The following CADPS variants were observed in gnomAD, a reference collection of about 807,000 sequenced individuals.
The protein encoded by CADPS is calcium-dependent secretion activator 1.
Under a neutral mutation model 167.3 loss-of-function variants are expected in CADPS, and 57 were observed. The ratio of observed to expected loss-of-function variants is 0.34; its 90% CI spans 0.28 to 0.42. The LOEUF is 0.42. CADPS is among the 20% of genes least tolerant of loss of function. The pLI, the probability that CADPS is intolerant of heterozygous loss-of-function variation, is 1.00. For missense variants in CADPS, 1,414 were observed against 1,738.1 expected (o/e 0.81, Z 3.32); for synonymous variants, 676 against 635.3 (o/e 1.06, Z -0.96).
At chr3:62,754,609 C>T (rs1019608744) in intron 2 of CADPS, among the ~76,000 whole-genome samples, 2 of 152,152 alleles carry the variant, frequency 1.3e-5, no homozygotes, top group African/African-American at 4.8e-5. Context: ...CTGCCTCAGC[C>T]CCTCAAGTAA....
chr3:62,428,135 AT>A (rs957679983), intron 28 of CADPS, among the ~76,000 whole-genome samples: 5 of 152,110 alleles, frequency 3.3e-5, no homozygotes, highest in African/African-American at 1.2e-4. Flanking sequence ...TATTAACTGG[AT>A]TTTTAGTCAA....
At chr3:62,755,672 G>C (rs1452483836) in intron 2 of CADPS, among the ~76,000 whole-genome samples, 1 of 152,168 alleles carries the variant, frequency 6.6e-6, no homozygotes, top group Non-Finnish European at 1.5e-5. Context: ...GGATGGCTGA[G>C]GGTTTGCCTC....
chr3:62,607,489 G>A (rs1022228359), intron 6 of CADPS, among the ~76,000 whole-genome samples: 1 of 152,220 alleles, frequency 6.6e-6, no homozygotes, highest in Non-Finnish European at 1.5e-5. Flanking sequence ...TGGAAGCAAT[G>A]ACAACAAAGC....
intron 1 of CADPS, among the ~76,000 whole-genome samples, chr3:62,811,969 T>C (rs995488667): frequency 9.8e-5 from 15 of 152,334 alleles, no homozygotes; most frequent in Admixed American, 3.3e-4. Flanking sequence ...TTTATCTATG[T>C]ATATTTCCTC....
chr3:62,699,601 C>T (rs1212498175), intron 3 of CADPS, among the ~76,000 whole-genome samples: 1 of 151,998 alleles, frequency 6.6e-6, no homozygotes, highest in Non-Finnish European at 1.5e-5. Flanking sequence ...CAGAGATTTG[C>T]TTTGTTGCCC....
intron 3 of CADPS, among the ~76,000 whole-genome samples, chr3:62,683,143 A>C (rs1305057943): frequency 6.6e-6 from 1 of 152,038 alleles, no homozygotes; most frequent in African/African-American, 2.4e-5. Context: ...GGTCTTGTAG[A>C]TCATGGGAAA....
intron 3 of CADPS, among the ~76,000 whole-genome samples, chr3:62,710,191 C>G (rs1010437245): frequency 2.0e-5 from 3 of 151,714 alleles, no homozygotes; most frequent in Admixed American, 2.0e-4. Context: ...CTGAAATCTC[C>G]GTGAACTTGT....
intron 11 of CADPS, among the ~76,000 whole-genome samples, chr3:62,539,356 T>C (rs2075306117): frequency 6.6e-6 from 1 of 152,128 alleles, no homozygotes; most frequent in Non-Finnish European, 1.5e-5. Flanking sequence ...TTCCAGCAAG[T>C]AAAGCGAGCC....
chr3:62,425,307 C>G (rs1017567016), intron 28 of CADPS, among the ~76,000 whole-genome samples: 1 of 152,094 alleles, frequency 6.6e-6, no homozygotes, highest in African/African-American at 2.4e-5. Context: ...CACCGCCTAT[C>G]CATTAGATGC....
chr3:62,854,427 A>G (rs1278443018), intron 1 of CADPS, among the ~76,000 whole-genome samples: 3 of 152,134 alleles, frequency 2.0e-5, no homozygotes, highest in Admixed American at 6.5e-5. Context: ...TAAGCTTCAA[A>G]TCACTTCTCT....
In CADPS at chr3:62,633,938, A is replaced by G. The variant is rs369385801; in HGVS notation, c.1325+11784T>C. On this transcript the variant is annotated intron_variant, in intron 6 of 29. Coordinates refer to ENST00000383710, the MANE Select transcript of CADPS (RefSeq NM_003716.4). ...TTAGCTAAAATTTAAACTTTTTTTT[A>G]CTTCCCCCTGCTGCCTCTATACAAC... Among the ~76,000 whole-genome samples, 25 of 152,262 alleles carry G rather than the reference A, an allele frequency of 1.6e-4. 2 individuals are homozygous for G. In the East Asian group the frequency reaches 4.6e-3, roughly 28 times the overall value.
In CADPS at chr3:62,476,283, G is replaced by A. The variant is rs2061317670; in HGVS notation, c.3330-1963C>T. Reference sequence around the variant, plus strand: ...AATCTGTTCTACCAAGGAGAACAACGGTTCTAGGCTCTTCTAATGTAGATT... The same window carrying A: ...AATCTGTTCTACCAAGGAGAACAACAGTTCTAGGCTCTTCTAATGTAGATT... On this transcript the variant is annotated intron_variant, in intron 23 of 29. Transcript: ENST00000383710. Among the ~76,000 whole-genome samples the A allele has an allele frequency of 3.3e-5, 5 of 152,134 alleles. No homozygotes were observed. The South Asian group carries it at 8.3e-4, about 25-fold the overall frequency.
At chr3:62,548,096 G>A (rs984603635) in intron 11 of CADPS, among the ~76,000 whole-genome samples, 2 of 152,144 alleles carry the variant, frequency 1.3e-5, no homozygotes, top group Non-Finnish European at 2.9e-5. Flanking sequence ...GGTGATTATA[G>A]TTAGAATTTT....
At chr3:62,815,941 C>A (rs73102754) in intron 1 of CADPS, among the ~76,000 whole-genome samples, 15,104 of 151,992 alleles carry the variant, frequency 0.099, 836 homozygotes, top group Non-Finnish European at 0.12. Context: ...TCAAATTGTT[C>A]TTTTTATGAT....
At chr3:62,790,131 T>C (rs1055073214) in intron 1 of CADPS, among the ~76,000 whole-genome samples, 1 of 152,152 alleles carries the variant, frequency 6.6e-6, no homozygotes, top group Non-Finnish European at 1.5e-5. Context: ...CTTCAGACAC[T>C]AGAAATGATT....
intron 1 of CADPS, among the ~76,000 whole-genome samples, chr3:62,811,107 C>A (rs182443313): frequency 6.6e-6 from 1 of 152,188 alleles, no homozygotes; most frequent in Non-Finnish European, 1.5e-5. Flanking sequence ...GATGCCCCAA[C>A]AAAAGCTGAA....
intron 3 of CADPS, among the ~76,000 whole-genome samples, chr3:62,695,942 T>G (rs2080189875): frequency 6.6e-6 from 1 of 152,000 alleles, no homozygotes; most frequent in African/African-American, 2.4e-5. Context: ...TTTTAGGGGG[T>G]TGGGTCTTTA....
intron 3 of CADPS, among the ~76,000 whole-genome samples, chr3:62,710,019 G>A (rs1330725711): frequency 1.3e-5 from 2 of 151,892 alleles, no homozygotes; most frequent in Admixed American, 1.3e-4. Flanking sequence ...TGCCCACCTC[G>A]GCCTCCCAAA....
intron 28 of CADPS, chr3:62,404,939 G>A (rs75453191): frequency 0.089 from 13,576 of 151,872 alleles, 789 homozygotes; most frequent in Non-Finnish European, 0.13. Flanking sequence ...GGGTGTTTTT[G>A]GCACCTCCTG....
Sources: gnomAD v4.1 joint callset for allele counts (sites outside exome capture counted in the v4.1 genomes callset) on GRCh38, gnomAD v4.1.1 for gene constraint, MANE v1.5 for transcripts, NCBI Gene and HGNC (gene_info 2026-07-23, HGNC 2026-07-21) for gene names.